POFUT3: variants seen among roughly 807,000 people sequenced by gnomAD.
POFUT3 encodes protein O-fucosyltransferase 3.
the POFUT3 span, among the ~76,000 whole-genome samples, chr8:33,398,592 A>G: frequency 1.3e-5 from 2 of 152,186 alleles, no homozygotes; most frequent in Non-Finnish European, 2.9e-5. Flanking sequence ...CAGGGAGAAG[A>G]GCAGAAAAAA....
the POFUT3 span, among the ~76,000 whole-genome samples, chr8:33,396,920 A>G: frequency 1.1e-4 from 16 of 152,340 alleles, no homozygotes; most frequent in Admixed American, 4.6e-4. Flanking sequence ...AGATTTTACT[A>G]CAGAGCCTTT....
At chr8:33,443,656 C>T in the POFUT3 span, among the ~76,000 whole-genome samples, 1,758 of 152,206 alleles carry the variant, frequency 0.012, 24 homozygotes, top group Non-Finnish European at 0.019. Flanking sequence ...CCATGCCTGG[C>T]TAATTTTTTG....
chr8:33,442,730 G>T, the POFUT3 span, among the ~76,000 whole-genome samples: 6 of 152,020 alleles, frequency 3.9e-5, no homozygotes, highest in African/African-American at 1.5e-4. Context: ...AAAGTGCTGG[G>T]ATTATAGGCA....
At chr8:33,452,833 G>T in the POFUT3 span, 1 of 191,632 alleles carries the variant, frequency 5.2e-6, no homozygotes, top group East Asian at 1.4e-4. Context: ...TATGTGATAG[G>T]TACATAAATG....
the POFUT3 span, among the ~76,000 whole-genome samples, chr8:33,380,284 G>A: frequency 1.7e-5 from 2 of 120,504 alleles, no homozygotes; most frequent in Non-Finnish European, 3.2e-5. Context: ...CAATATGCAT[G>A]AACATAAGGG....
At chr8:33,366,896 T>C in the POFUT3 span, among the ~76,000 whole-genome samples, 1 of 152,268 alleles carries the variant, frequency 6.6e-6, no homozygotes, top group Non-Finnish European at 1.5e-5. Flanking sequence ...CCTGTTATAC[T>C]ATGATGTGTA....
chr8:33,386,373 G>A, the POFUT3 span, among the ~76,000 whole-genome samples: 4 of 152,082 alleles, frequency 2.6e-5, no homozygotes, highest in African/African-American at 7.2e-5. Context: ...ATCAGAGCAG[G>A]CTGGAGAAAA....
chr8:33,406,674 T>C, the POFUT3 span, among the ~76,000 whole-genome samples: 1 of 151,998 alleles, frequency 6.6e-6, no homozygotes, highest in South Asian at 2.1e-4. Context: ...GCTCAAACAA[T>C]CCTGCCTCAG....
At chr8:33,345,601 A>C in the POFUT3 span, among the ~76,000 whole-genome samples, 5 of 151,022 alleles carry the variant, frequency 3.3e-5, no homozygotes, top group Non-Finnish European at 7.4e-5. Flanking sequence ...GGGTTTCACC[A>C]TGTTGACCAG....
At chr8:33,380,095 A>T in the POFUT3 span, among the ~76,000 whole-genome samples, 133 of 76,108 alleles carry the variant, frequency 1.7e-3, 3 homozygotes, top group African/African-American at 8.6e-3. Flanking sequence ...TACTATATAT[A>T]TACACTATAT....
chr8:33,312,167 C>G, the POFUT3 span, among the ~76,000 whole-genome samples: 2 of 151,718 alleles, frequency 1.3e-5, no homozygotes, highest in African/African-American at 2.4e-5. Flanking sequence ...GAGGCTGAGG[C>G]AGGAGAATTG....
the POFUT3 span, among the ~76,000 whole-genome samples, chr8:33,340,840 G>A: frequency 1.3e-4 from 20 of 152,278 alleles, 1 homozygote; most frequent in East Asian, 2.7e-3. Flanking sequence ...ATACAATTAT[G>A]TTGAAGTCTT....
chr8:33,415,056 G>C, the POFUT3 span, among the ~76,000 whole-genome samples: 2 of 151,732 alleles, frequency 1.3e-5, no homozygotes, highest in African/African-American at 4.8e-5. Flanking sequence ...GAGTCCAGGA[G>C]TTCGAGACCA....
At chr8:33,342,298 A>C in the POFUT3 span, among the ~76,000 whole-genome samples, 5 of 152,176 alleles carry the variant, frequency 3.3e-5, no homozygotes, top group African/African-American at 1.2e-4. Context: ...TTGAGGCTGC[A>C]GTGAGCTGTG....
chr8:33,419,675 T>C, the POFUT3 span, among the ~76,000 whole-genome samples: 4 of 152,156 alleles, frequency 2.6e-5, no homozygotes, highest in African/African-American at 9.7e-5. Flanking sequence ...TACAGGTTCC[T>C]CATAAATGGG....
chr8:33,338,315 A>T, the POFUT3 span, among the ~76,000 whole-genome samples: 119 of 148,424 alleles, frequency 8.0e-4, no homozygotes, highest in Non-Finnish European at 7.6e-4. Context: ...ATTCTACCCA[A>T]TTTTTTTTTT....
At chr8:33,399,544 G>A in the POFUT3 span, among the ~76,000 whole-genome samples, 2 of 152,148 alleles carry the variant, frequency 1.3e-5, no homozygotes, top group African/African-American at 2.4e-5. Context: ...GGGAGTCAAT[G>A]ATAATGCTTA....
At chr8:33,318,080 G>A in the POFUT3 span, among the ~76,000 whole-genome samples, 6 of 152,214 alleles carry the variant, frequency 3.9e-5, no homozygotes, top group East Asian at 1.2e-3. Context: ...AGAGAGTGCA[G>A]TCTTTTGATG....
chr8:33,349,409 G>C, the POFUT3 span, among the ~76,000 whole-genome samples: 1 of 152,164 alleles, frequency 6.6e-6, no homozygotes, highest in Non-Finnish European at 1.5e-5. Context: ...TGTACCCAGT[G>C]TGTAGTCTTT....
Sources: allele counts gnomAD v4.1 joint callset (sites outside exome capture counted in the v4.1 genomes callset), GRCh38; gene constraint gnomAD v4.1.1; transcripts MANE v1.5; gene names NCBI Gene and HGNC (gene_info 2026-07-23, HGNC 2026-07-21).